The following SLC10A7 variants were observed in gnomAD, a reference collection of about 807,000 sequenced individuals.
The protein encoded by SLC10A7 is solute carrier family 10 member 7, also known as sodium/bile acid cotransporter 7.
A neutral mutation model predicts 43.2 loss-of-function variants in SLC10A7; 29 were observed. The ratio of observed to expected loss-of-function variants is 0.67; its 90% CI spans 0.50 to 0.92. The LOEUF is 0.92. SLC10A7 is among the 40% of genes least tolerant of loss of function. The probability of loss-of-function intolerance (pLI) is 0.00; values close to 1 mark genes in which losing one functional copy is unlikely to be tolerated. For missense variants in SLC10A7, 295 were observed against 403.2 expected (o/e 0.73, Z 2.30); for synonymous variants, 152 against 144.8 (o/e 1.05, Z -0.35).
chr4:146,333,223 C>T (rs1239969761), intron 5 of SLC10A7, among the ~76,000 whole-genome samples: 3 of 152,064 alleles, frequency 2.0e-5, no homozygotes, highest in Non-Finnish European at 4.4e-5. Context: ...GGGTCTTCTA[C>T]ACTTATATTA....
At chr4:146,321,852 C>T (rs1225446116) in intron 6 of SLC10A7, among the ~76,000 whole-genome samples, 2 of 152,102 alleles carry the variant, frequency 1.3e-5, no homozygotes, top group Non-Finnish European at 2.9e-5. Flanking sequence ...AACCCAAATG[C>T]TTAAGACATT....
chr4:146,401,726 T>TTA (rs1290996756), intron 5 of SLC10A7, among the ~76,000 whole-genome samples: 1 of 152,114 alleles, frequency 6.6e-6, no homozygotes, highest in African/African-American at 2.4e-5. Flanking sequence ...TATCTTCCCA[T>TTA]TATAAAACAC....
intron 5 of SLC10A7, among the ~76,000 whole-genome samples, chr4:146,441,355 A>T (rs192147307): frequency 5.3e-4 from 81 of 152,314 alleles, no homozygotes; most frequent in African/African-American, 1.8e-3. Flanking sequence ...GCATGTCTCA[A>T]ACTATATTTA....
intron 5 of SLC10A7, among the ~76,000 whole-genome samples, chr4:146,342,082 T>C (rs965027980): frequency 3.3e-5 from 5 of 151,928 alleles, no homozygotes; most frequent in East Asian, 1.9e-4. Flanking sequence ...CTAGCGTTCT[T>C]AACTTATTCA....
chr4:146,271,650 A>G (rs948494939), intron 10 of SLC10A7, among the ~76,000 whole-genome samples: 1 of 152,124 alleles, frequency 6.6e-6, no homozygotes, highest in Non-Finnish European at 1.5e-5. Flanking sequence ...TTCCCCTCTC[A>G]TTCTGAGTAA....
rs550371940 is a variant in SLC10A7, at chr4:146,460,044, C to A, written c.397-17223G>T. ...GCAAAAGATTTGAACAGACACTTCACTGAAGAAGAGATGTGGATGACAAAT... is the reference window on the plus strand; with the variant it reads ...GCAAAAGATTTGAACAGACACTTCAATGAAGAAGAGATGTGGATGACAAAT... On this transcript the variant is annotated intron_variant, in intron 4 of 11. Transcript: ENST00000335472. 3.1e-3 allele frequency among the ~76,000 whole-genome samples: 468 copies of A among 152,000 alleles called. 2 individuals are homozygous for A. Among genetic ancestry groups the A allele is most frequent in the African/African-American group, 0.01 (436 of 41,544 alleles).
intron 8 of SLC10A7, among the ~76,000 whole-genome samples, chr4:146,293,682 A>AC (rs1303159920): frequency 6.6e-6 from 1 of 152,176 alleles, no homozygotes; most frequent in Non-Finnish European, 1.5e-5. Flanking sequence ...GGCTTCTCTC[A>AC]CCTGACATCA....
chr4:146,294,018 G>A lies in SLC10A7; in HGVS notation c.633C>T (p.Leu211=), dbSNP rs759768158. ...CACAGAATGTTGTGTAGATGATCAT[G>A]AGGAGTACACTGCTGCTGATAGCAC... is the stretch of plus-strand genomic sequence containing the variant. ...PFGAISSSVL[L]MIIYTTFCDT... is the part of the protein sequence containing the mutation. The change falls in exon 8 of 12, where the codon CTC becomes CTT. Residue 211 remains leucine, a synonymous_variant. Coordinates refer to ENST00000335472, the MANE Select transcript of SLC10A7 (RefSeq NM_001029998.6). 5.3e-5 allele frequency: 85 copies of A among 1,612,978 alleles called. No homozygotes were observed. Among genetic ancestry groups the A allele is most frequent in the Non-Finnish European group, 7.2e-5 (85 of 1,179,278 alleles).
At chr4:146,303,091 T>C (rs908501206) in intron 7 of SLC10A7, among the ~76,000 whole-genome samples, 3 of 152,170 alleles carry the variant, frequency 2.0e-5, no homozygotes, top group Admixed American at 6.5e-5. Context: ...GAAGCCAGTA[T>C]CTAATGACTG....
intron 4 of SLC10A7, among the ~76,000 whole-genome samples, chr4:146,447,747 A>C (rs1731232160): frequency 6.6e-6 from 1 of 152,026 alleles, no homozygotes; most frequent in Non-Finnish European, 1.5e-5. Flanking sequence ...TTTGTAGATA[A>C]TATATTGCTT....
rs904399499 is a variant in SLC10A7, at chr4:146,521,885, G to A, written c.-168C>T. ...GTAAAGACCTGGGGGTTGCTCCGGC[G>A]GCTTTGAGGAGGGTTGGGAGTAGTA... On this transcript the variant is annotated 5_prime_UTR_variant, in exon 1 of 12. Coordinates refer to ENST00000335472, the MANE Select transcript of SLC10A7 (RefSeq NM_001029998.6). 6.7e-6 allele frequency: 4 copies of A among 601,140 alleles called. No homozygotes were observed. In the African/African-American group the frequency reaches 7.5e-5, roughly 11 times the overall value. The allele number at this position is 601,140 out of a possible 1,614,324, so 37.2% of individuals were successfully genotyped here.
intron 5 of SLC10A7, among the ~76,000 whole-genome samples, chr4:146,370,416 T>C (rs145434608): frequency 0.021 from 3,161 of 152,322 alleles, 48 homozygotes; most frequent in South Asian, 0.031. Context: ...TCAAGAGATA[T>C]GCTTTTCTTT....
chr4:146,359,816 T>C (rs957173960), intron 5 of SLC10A7, among the ~76,000 whole-genome samples: 5 of 152,188 alleles, frequency 3.3e-5, no homozygotes, highest in Admixed American at 6.6e-5. Context: ...GAGTATCCTA[T>C]GGTAATCCAT....
At chr4:146,331,447 T>C (rs9991483) in intron 5 of SLC10A7, among the ~76,000 whole-genome samples, 73,414 of 152,004 alleles carry the variant, frequency 0.48, 18,072 homozygotes, top group East Asian at 0.62. Flanking sequence ...ACAATAACTA[T>C]GGTTTTATTG....
At chr4:146,355,272 A>G (rs2149753059) in intron 5 of SLC10A7, among the ~76,000 whole-genome samples, 1 of 152,314 alleles carries the variant, frequency 6.6e-6, no homozygotes, top group Middle Eastern at 3.4e-3. Context: ...TATGCAGCCA[A>G]AAAATACATG....
At chr4:146,370,192 G>A (rs1172176584) in intron 5 of SLC10A7, among the ~76,000 whole-genome samples, 1 of 152,132 alleles carries the variant, frequency 6.6e-6, no homozygotes, top group Non-Finnish European at 1.5e-5. Flanking sequence ...CAAAATGCAT[G>A]CTCCCAAGAG....
At chr4:146,257,411 C>T (rs540571068) in intron 11 of SLC10A7, among the ~76,000 whole-genome samples, 5 of 152,214 alleles carry the variant, frequency 3.3e-5, no homozygotes, top group African/African-American at 1.2e-4. Context: ...CTAGGGCAAA[C>T]CTTCTAAAAG....
chr4:146,444,686 C>A (rs1730889352), intron 4 of SLC10A7, among the ~76,000 whole-genome samples: 2 of 152,246 alleles, frequency 1.3e-5, no homozygotes, highest in Middle Eastern at 6.8e-3. Context: ...TACCCAAAGA[C>A]GATGCTGCAG....
intron 1 of SLC10A7, among the ~76,000 whole-genome samples, chr4:146,519,168 T>G (rs1220838918): frequency 2.2e-5 from 3 of 134,158 alleles, no homozygotes; most frequent in Non-Finnish European, 4.7e-5. Flanking sequence ...TAATATATGA[T>G]ACAATAATGT....
Sources: allele counts gnomAD v4.1 joint callset (sites outside exome capture counted in the v4.1 genomes callset), GRCh38; gene constraint gnomAD v4.1.1; transcripts MANE v1.5; gene names NCBI Gene and HGNC (gene_info 2026-07-23, HGNC 2026-07-21).